The following CNPY4 variants were observed in gnomAD, a reference collection of about 807,000 sequenced individuals.
CNPY4 encodes the protein protein canopy homolog 4.
CNPY4 carries 33 observed loss-of-function variants against 30.1 expected under a neutral mutation model. That is an observed-to-expected ratio of 1.10 (90% CI 0.83 to 1.46). The LOEUF is 1.46. Among genes scored for constraint, CNPY4 ranks in the 40% most tolerant of loss-of-function variants. The probability of loss-of-function intolerance (pLI) is 0.00; values close to 1 mark genes in which losing one functional copy is unlikely to be tolerated. For synonymous variants in CNPY4, 109 were observed against 110.1 expected, an observed-to-expected ratio of 0.99 and a Z score of 0.06; for missense variants, 324 against 302.6, an observed-to-expected ratio of 1.07 and a Z score of -0.52.
At chr7:100,121,808 T>G (rs963941784) in intron 1 of CNPY4, among the ~76,000 whole-genome samples, 6 of 150,230 alleles carry the variant, frequency 4.0e-5, no homozygotes, top group African/African-American at 7.3e-5. Flanking sequence ...CCCAGTACTT[T>G]GGGAGGCCAA....
intron 4 of CNPY4, 52 bp from the exon 5 acceptor site, chr7:100,124,462 G>A: frequency 7.1e-7 from 1 of 1,413,500 alleles, no homozygotes; most frequent in Non-Finnish European, 1.0e-6. Flanking sequence ...AGACAGGCGG[G>A]ATCCCAAATC....
At chr7:100,120,020 C>G (rs1408065688) in intron 1 of CNPY4, 158 bp downstream of exon 1, 3 of 609,188 alleles carry the variant, frequency 4.9e-6, no homozygotes, top group African/African-American at 3.8e-5. Flanking sequence ...GTCAAGGAAG[C>G]GAACGTGTAG....
In CNPY4 at chr7:100,119,792, G is replaced by A. The variant is rs1296432986; in HGVS notation, c.48G>A (p.Val16=). Residue 16 remains valine, a synonymous_variant, in exon 1 of 6, where the codon GTG becomes GTA. Transcript: ENST00000262932. ...TATTGCTTTTCCTTTTTTTGGCCGT[G>A]CACGAGGCTTGGGCTGGGATGTTGA... ...LGILLFLFLA[V]HEAWAGMLKE... 6.2e-7 allele frequency: 1 copy of A among 1,614,026 alleles called. No homozygotes were observed. Among genetic ancestry groups the A allele is most frequent in the South Asian group, 1.1e-5 (1 of 91,066 alleles).
Position 100,125,114 on chromosome 7 carries a change from C to T in CNPY4, c.*226C>T. 1 of 521,412 alleles carries T rather than the reference C, an allele frequency of 1.9e-6. No homozygotes were observed. The highest frequency in any genetic ancestry group is 3.4e-6 in the Non-Finnish European group (1 of 297,706). 32.3% of individuals were successfully genotyped at this position (521,412 alleles called of 1,614,324 possible). ...TCCTGCTCCTAGAGATGAACTCTAT[C>T]CAGCCCCTTAATTGGCAGGTGTATG... On this transcript the variant is annotated 3_prime_UTR_variant, in exon 6 of 6. Coordinates refer to ENST00000262932, the MANE Select transcript of CNPY4 (RefSeq NM_152755.2).
At chr7:100,119,950 A>C in intron 1 of CNPY4, 88 bp downstream of exon 1, 2 of 1,226,386 alleles carry the variant, frequency 1.6e-6, no homozygotes, top group Non-Finnish European at 2.2e-6. Flanking sequence ...TGGGTGGGTC[A>C]CCCGACCTCC....
At chr7:100,121,386 C>G (rs1198867882) in intron 1 of CNPY4, 3 of 151,602 alleles carry the variant, frequency 2.0e-5, no homozygotes, top group East Asian at 3.9e-4. Context: ...ATCCACCCAC[C>G]TCAGCCTCCC....
In CNPY4 at chr7:100,122,025, G is replaced by A. The variant is rs1007833743; in HGVS notation, c.119-234G>A. On this transcript the variant is annotated intron_variant, in intron 1 of 5. Coordinates refer to ENST00000262932, the MANE Select transcript of CNPY4 (RefSeq NM_152755.2). ...AGACTGCGCCACTGCACTACAGCCTGGGCGACAGAGCGAGAGTCCGTCTGA... is the reference window on the plus strand; with the variant it reads ...AGACTGCGCCACTGCACTACAGCCTAGGCGACAGAGCGAGAGTCCGTCTGA... 16 of 437,092 alleles carry A rather than the reference G, an allele frequency of 3.7e-5. No individual in the cohort carries two copies. In the East Asian group the frequency reaches 5.4e-4, roughly 15 times the overall value. The allele number at this position is 437,092 out of a possible 1,614,324, so 27.1% of individuals were successfully genotyped here.
intron 4 of CNPY4, 93 bp downstream of exon 4, chr7:100,122,999 C>G: frequency 7.1e-7 from 1 of 1,400,468 alleles, no homozygotes; most frequent in South Asian, 1.4e-5. Context: ...ATGTCTACCC[C>G]TAAGCATGGG....
At chr7:100,121,553 T>G (rs1220299181) in intron 1 of CNPY4, among the ~76,000 whole-genome samples, 1 of 151,982 alleles carries the variant, frequency 6.6e-6, no homozygotes, top group Non-Finnish European at 1.5e-5. Context: ...GTTCGAGTGA[T>G]TCTCCTGCCT....
rs753376538 is a variant in CNPY4 at position 100,122,386 on chromosome 7, G to T, written c.245+1G>T. 1.2e-6 allele frequency: 2 copies of T among 1,613,976 alleles called. No individual in the cohort carries two copies. The highest frequency in any genetic ancestry group is 1.7e-5 in the Admixed American group (1 of 59,984). ...AGAGACACGTGCCTTACAGCGTTTC[G>T]TGAGTCCTTCGTGCTCCTCCCCTTT... On this transcript the variant is annotated splice_donor_variant, in intron 2 of 5. Transcript: ENST00000262932. LOFTEE classifies it high-confidence loss of function.
chr7:100,121,116 A>ATACATATATTTTTTT (rs1584585316), intron 1 of CNPY4: 1 of 52,800 alleles, frequency 1.9e-5, no homozygotes, highest in Non-Finnish European at 3.2e-5. Flanking sequence ...ATATATATAT[A>ATACATATATTTTTTT]TTTTTTTTTT....
intron 1 of CNPY4, chr7:100,121,110 ATATATATTTTTTTTTTTTTTTT>A (rs1798038664): frequency 3.5e-5 from 1 of 28,374 alleles, no homozygotes; most frequent in South Asian, 1.3e-3. Context: ...ATATATATAT[ATATATATTTTTTTTTTTTTTTT>A]TTTTTTTTTT....
intron 5 of CNPY4, 30 bp from the exon 6 acceptor site, chr7:100,124,695 A>T: frequency 6.2e-7 from 1 of 1,613,402 alleles, no homozygotes; most frequent in Non-Finnish European, 8.5e-7. Flanking sequence ...CAGGACTAAT[A>T]TCTAAATTGT....
In CNPY4 at chr7:100,123,018, C is replaced by T. The variant is rs1047635058; in HGVS notation, c.465+112C>T. On this transcript the variant is annotated intron_variant, in intron 4 of 5. Transcript: ENST00000262932. ...CTACCCCTAAGCATGGGGAAGGGGC[C>T]AGAGTGAGGACTGTGCCATTGATTA... is the stretch of plus-strand genomic sequence containing the variant. The T allele has an allele frequency of 3.7e-5, 44 of 1,186,028 alleles. 1 individual carries two copies. The highest frequency in any genetic ancestry group is 7.0e-6 in the Non-Finnish European group (6 of 860,206). The allele number at this position is 1,186,028 out of a possible 1,614,324, so 73.5% of individuals were successfully genotyped here.
rs552393936 is a variant in CNPY4, at chr7:100,122,066, A to T, written c.119-193A>T. 9.3e-6 allele frequency: 5 copies of T among 537,556 alleles called. No individual in the cohort carries two copies. The African/African-American group carries it at 9.7e-5, about 10-fold the overall frequency. 33.3% of individuals were successfully genotyped at this position (537,556 alleles called of 1,614,324 possible). On this transcript the variant is annotated intron_variant, in intron 1 of 5. Transcript: ENST00000262932. Reference sequence around the variant, plus strand: ...GTCCGTCTGAAAAAAAAAAAAAAAAAGATGAAGAAACCGAGGCACAGCAAG... The same window carrying T: ...GTCCGTCTGAAAAAAAAAAAAAAAATGATGAAGAAACCGAGGCACAGCAAG...
chr7:100,125,325 G>A lies in CNPY4; in HGVS notation c.*437G>A, dbSNP rs369281742. 4.3e-5 allele frequency: 7 copies of A among 162,718 alleles called. No homozygotes were observed. Among genetic ancestry groups the A allele is most frequent in the East Asian group, 1.8e-4 (1 of 5,458 alleles). 10.1% of individuals were successfully genotyped at this position (162,718 alleles called of 1,614,324 possible). Reference sequence around the variant, plus strand: ...CTATATACATTGCCTGTATCCAGGAGGCTACACACCAGCAAACCGTGAAGG... The same window carrying A: ...CTATATACATTGCCTGTATCCAGGAAGCTACACACCAGCAAACCGTGAAGG... On this transcript the variant is annotated 3_prime_UTR_variant, in exon 6 of 6. Transcript: ENST00000262932.
chr7:100,123,171 G>A (rs867688632), intron 4 of CNPY4, among the ~76,000 whole-genome samples: 4 of 151,832 alleles, frequency 2.6e-5, no homozygotes, highest in Non-Finnish European at 5.9e-5. Flanking sequence ...GCAAAACCCC[G>A]TCTTTAATAA....
rs141457365 is a variant in CNPY4, at chr7:100,124,796, CAGG to C, written c.669_671del (p.Glu229del). The C allele has an allele frequency of 1.2e-4, 194 of 1,609,110 alleles. No homozygotes were observed. Among genetic ancestry groups the C allele is most frequent in the Admixed American group, 8.5e-4 (51 of 59,826 alleles). On this transcript the variant is annotated inframe_deletion, in exon 6 of 6. Coordinates refer to ENST00000262932, the MANE Select transcript of CNPY4 (RefSeq NM_152755.2). ...AGAGAAAACAGAAGGGGAGGAAGAGCAGGAGGAGGAGGAGGAAGAGGAGGAAGA... is the reference window on the plus strand; with the variant it reads ...AGAGAAAACAGAAGGGGAGGAAGAGCAGGAGGAGGAGGAAGAGGAGGAAGA...
chr7:100,125,157 G>A lies in CNPY4; in HGVS notation c.*269G>A. On this transcript the variant is annotated 3_prime_UTR_variant, in exon 6 of 6. Coordinates refer to ENST00000262932, the MANE Select transcript of CNPY4 (RefSeq NM_152755.2). The stretch of plus-strand genomic sequence containing the variant: ...GGTGTATGTGCTGACAGTACTGAAA[G>A]CTTTCCTCTTTAACTGATCCCACCC... The A allele has an allele frequency of 5.0e-6, 2 of 401,604 alleles. No homozygotes were observed. The highest frequency in any genetic ancestry group is 1.1e-4 in the South Asian group (2 of 19,022). 24.9% of individuals were successfully genotyped at this position (401,604 alleles called of 1,614,324 possible).
Sources: allele counts gnomAD v4.1 joint callset (sites outside exome capture counted in the v4.1 genomes callset), GRCh38; gene constraint gnomAD v4.1.1; transcripts MANE v1.5; gene names NCBI Gene and HGNC (gene_info 2026-07-23, HGNC 2026-07-21).